Variants in SEMA6C observed in about 807,000 individuals in gnomAD.
SEMA6C encodes the protein semaphorin-6C.
SEMA6C carries 37 observed loss-of-function variants against 72.9 expected under a neutral mutation model. The ratio of observed to expected loss-of-function variants is 0.51; its 90% CI spans 0.39 to 0.67. The LOEUF is 0.67. SEMA6C is among the 30% of genes least tolerant of loss of function. The pLI is 0.00. For synonymous variants in SEMA6C, 578 were observed against 554.1 expected (o/e 1.04, Z -0.61); for missense variants, 1,189 against 1,263.6 (o/e 0.94, Z 0.89).
At chr1:151,143,265 G>T (rs1682705817) in intron 2 of SEMA6C, among the ~76,000 whole-genome samples, 1 of 152,210 alleles carries the variant, frequency 6.6e-6, no homozygotes, top group Non-Finnish European at 1.5e-5. Flanking sequence ...TGCTTCAGGG[G>T]CCCTTCCCAC....
At chr1:151,137,952 A>G (rs1250097017) in intron 9 of SEMA6C, 34 bp downstream of exon 9, 1 of 1,607,124 alleles carries the variant, frequency 6.2e-7, no homozygotes, top group Non-Finnish European at 8.5e-7. Context: ...CCTCCTCCCC[A>G]ATAACAGTCT....
rs776924538 is a variant in SEMA6C, at chr1:151,133,046, GGCCCGCCCGCCGCGT to G, written c.2216_2230del (p.His739_Gly743del). The G allele has an allele frequency of 6.4e-6, 9 of 1,413,514 alleles. No homozygotes were observed. Among genetic ancestry groups the G allele is most frequent in the African/African-American group, 3.1e-5 (2 of 65,032 alleles). The allele number at this position is 1,413,514 out of a possible 1,614,324, so 87.6% of individuals were successfully genotyped here. On this transcript the variant is annotated inframe_deletion, in exon 19 of 19. Coordinates refer to ENST00000368914, the MANE Select transcript of SEMA6C (RefSeq NM_030913.6). The surrounding 1 kb of genome is among the most constrained non-coding windows in gnomAD (Gnocchi z 5.9). ...TGGCCTCACCAGCACGCGGGGCGCG[GGCCCGCCCGCCGCGT>G]GCCCGCCCCGTGAGCGGCCCGGACC...
Position 151,137,796 on chromosome 1 carries a change from G to A in SEMA6C, c.671C>T (p.Pro224Leu), listed in dbSNP as rs747332816. The A allele has an allele frequency of 6.2e-7, 1 of 1,612,852 alleles. No individual in the cohort carries two copies. The highest frequency in any genetic ancestry group is 1.7e-5 in the Admixed American group (1 of 59,986). Residue 224 changes from proline (P) to leucine (L), a missense_variant, in exon 10 of 19, where the codon CCA becomes CTA. Physicochemically the swap from Pro to Leu is moderately conservative, Grantham distance 98 (BLOSUM62 -3). Around this residue, in one of 2 missense-constraint regions of SEMA6C, gnomAD observed 468 missense variants for 577.4 expected, o/e 0.81. Coordinates refer to ENST00000368914, the MANE Select transcript of SEMA6C (RefSeq NM_030913.6). Reference protein sequence around the residue: ...AKYDSKWLREPHFVQALEHGD... With the variant: ...AKYDSKWLRELHFVQALEHGD... ...ATGCTCCAAGGCCTGGACAAAGTGT[G>A]GCTCTAAGATGGGGAATGACAGGAA...
intron 7 of SEMA6C, 70 bp downstream of exon 7, chr1:151,138,560 C>A: frequency 6.6e-7 from 1 of 1,509,558 alleles, no homozygotes; most frequent in Non-Finnish European, 9.2e-7. Context: ...TTGGTCCTTT[C>A]CCATCAAACC....
Position 151,132,762 on chromosome 1 carries a change from C to CCT in SEMA6C, c.2514_2515insAG (p.Ala839ArgfsTer60). On this transcript the variant is annotated frameshift_variant, in exon 19 of 19. Transcript: ENST00000368914. LOFTEE classifies it low-confidence loss of function (END_TRUNC). ...CCGACGCCCAGCCGGGGAGCGGGGGCGGAGAGCGCGGGCCGGGCGGGGGCA... is the reference window on the plus strand; with the variant it reads ...CCGACGCCCAGCCGGGGAGCGGGGGCCTGGAGAGCGCGGGCCGGGCGGGGGCA... The CCT allele has an allele frequency of 7.0e-7, 1 of 1,435,612 alleles. No individual in the cohort carries two copies. Among genetic ancestry groups the CCT allele is most frequent in the Non-Finnish European group, 9.1e-7 (1 of 1,093,702 alleles). 88.9% of individuals were successfully genotyped at this position (1,435,612 alleles called of 1,614,324 possible).
intron 15 of SEMA6C, 125 bp from the exon 16 acceptor site, chr1:151,135,000 C>A: frequency 7.5e-7 from 1 of 1,328,480 alleles, no homozygotes; most frequent in Non-Finnish European, 1.1e-6. Flanking sequence ...CCACCTCAGT[C>A]TCTCCACACC....
intron 3 of SEMA6C, 133 bp downstream of exon 3, chr1:151,142,371 G>A (rs1682625775): frequency 2.9e-6 from 3 of 1,020,688 alleles, no homozygotes; most frequent in Non-Finnish European, 4.4e-6. Context: ...CACTCTACCT[G>A]TTTCCTTCTT....
chr1:151,143,101 C>T (rs1460759702), intron 2 of SEMA6C, among the ~76,000 whole-genome samples: 2 of 152,176 alleles, frequency 1.3e-5, no homozygotes, highest in Non-Finnish European at 1.5e-5. Flanking sequence ...ATGTCTGACT[C>T]CCCCTCCCTC....
rs1223340478 is a variant in SEMA6C at position 151,146,603 on chromosome 1, C to G, written c.-275G>C. 1.3e-5 allele frequency: 2 copies of G among 152,294 alleles called. No individual in the cohort carries two copies. Among genetic ancestry groups the G allele is most frequent in the African/African-American group, 4.8e-5 (2 of 41,462 alleles). 9.4% of individuals were successfully genotyped at this position (152,294 alleles called of 1,614,324 possible). Reference sequence around the variant, plus strand: ...TGTCGGGAGAGCCCTGGGTCCAAGTCCAGCCGCGGATCCGCGGAGGAAAAC... The same window carrying G: ...TGTCGGGAGAGCCCTGGGTCCAAGTGCAGCCGCGGATCCGCGGAGGAAAAC... On this transcript the variant is annotated 5_prime_UTR_variant, in exon 1 of 19. Transcript: ENST00000368914. The surrounding 1 kb of genome is among the most constrained non-coding windows in gnomAD (Gnocchi z 4.6).
rs761971093 is a variant in SEMA6C at position 151,137,006 on chromosome 1, G to T, written c.825C>A (p.Arg275=). ...DMGGSPRALD[R]HWTSFLKLRL... ...GAAGCTTCAGGAAGGATGTCCAGTG[G>T]CGGTCCAAGGCCCGAGGCGAGCCGC... is the stretch of plus-strand genomic sequence containing the variant. The change falls in exon 11 of 19, where the codon CGC becomes CGA. Residue 275 remains arginine (R), a synonymous_variant. Transcript: ENST00000368914. 43 of 1,614,156 alleles carry T rather than the reference G, an allele frequency of 2.7e-5. No individual in the cohort carries two copies. The highest frequency in any genetic ancestry group is 3.6e-5 in the Non-Finnish European group (42 of 1,180,036).
chr1:151,146,017 C>T lies in SEMA6C; in HGVS notation c.-105+416G>A, dbSNP rs906029921. ...AGCACCCGTGACACAAAGTCCGGAACGATGCGTCCCTCTTCCCATCCCTTC... is the reference window on the plus strand; with the variant it reads ...AGCACCCGTGACACAAAGTCCGGAATGATGCGTCCCTCTTCCCATCCCTTC... On this transcript the variant is annotated intron_variant, in intron 1 of 18. Transcript: ENST00000368914. This position sits in a 1 kb window ranked among gnomAD's most constrained non-coding sequence, Gnocchi z 4.6. The T allele has an allele frequency of 1.3e-5, 2 of 152,134 alleles. No individual in the cohort carries two copies. Among genetic ancestry groups the T allele is most frequent in the African/African-American group, 2.4e-5 (1 of 41,404 alleles). 9.4% of individuals were successfully genotyped at this position (152,134 alleles called of 1,614,324 possible). A position where few individuals can be genotyped will look rare whatever the true frequency, so the allele number is the denominator to read the frequency against.
chr1:151,137,354 G>A (rs587665008), intron 10 of SEMA6C, among the ~76,000 whole-genome samples: 270 of 149,842 alleles, frequency 1.8e-3, no homozygotes, highest in Middle Eastern at 3.5e-3. Context: ...GCTGAGGCAG[G>A]AGAATGGCGT....
rs764995302 is a variant in SEMA6C, at chr1:151,133,477, G to A, written c.1800C>T (p.Ser600=). Residue 600 remains serine (S), a synonymous_variant, in exon 19 of 19, where the codon TCC becomes TCT. Coordinates refer to ENST00000368914, the MANE Select transcript of SEMA6C (RefSeq NM_030913.6). The surrounding 1 kb of genome is among the most constrained non-coding windows in gnomAD (Gnocchi z 5.9). ...RDLPPASASR[S]VPIPLLLASV... The stretch of plus-strand genomic sequence containing the variant: ...TGGCCAGGAGGAGTGGGATGGGGAC[G>A]GAGCGGGAGGCCGAGGCTGGGGGCA... The A allele has an allele frequency of 6.5e-7, 1 of 1,543,128 alleles. No individual in the cohort carries two copies. Among genetic ancestry groups the A allele is most frequent in the East Asian group, 2.4e-5 (1 of 41,608 alleles).
Position 151,145,139 on chromosome 1 carries a change from C to G in SEMA6C, c.-104-705G>C, listed in dbSNP as rs1485147113. On this transcript the variant is annotated intron_variant, in intron 1 of 18. Coordinates refer to ENST00000368914, the MANE Select transcript of SEMA6C (RefSeq NM_030913.6). The surrounding 1 kb of genome is among the most constrained non-coding windows in gnomAD (Gnocchi z 4.4). ...GAAGAATCCGAGCTGCTTCACACAC[C>G]CCATCTGAAGCACATGGGAGAGACC... 1 of 152,278 alleles carries G rather than the reference C, an allele frequency of 6.6e-6. No homozygotes were observed. The highest frequency in any genetic ancestry group is 1.9e-4 in the East Asian group (1 of 5,208). The allele number at this position is 152,278 out of a possible 1,614,324, so 9.4% of individuals were successfully genotyped here.
Position 151,136,736 on chromosome 1 carries a change from C to T in SEMA6C, c.974+121G>A, listed in dbSNP as rs74127529. 11,806 of 1,340,402 alleles carry T rather than the reference C, an allele frequency of 8.8e-3. 211 individuals are homozygous for T. The highest frequency in any genetic ancestry group is 0.073 in the African/African-American group (5,001 of 68,540). The allele number at this position is 1,340,402 out of a possible 1,614,324, so 83.0% of individuals were successfully genotyped here. ...CACACTAGGAGAAAAAATGGCAACA[C>T]AGCAAACTGGCTTTGTTCGGAGGTT... is the stretch of plus-strand genomic sequence containing the variant. On this transcript the variant is annotated intron_variant, in intron 11 of 18. Coordinates refer to ENST00000368914, the MANE Select transcript of SEMA6C (RefSeq NM_030913.6).
At chr1:151,142,084 C>T (rs1682603466) in intron 3 of SEMA6C, among the ~76,000 whole-genome samples, 1 of 150,176 alleles carries the variant, frequency 6.7e-6, no homozygotes, top group African/African-American at 2.5e-5. Flanking sequence ...CTCTGTTGCC[C>T]AGGCTGGAGT....
rs1199268678 is a variant in SEMA6C, at chr1:151,133,012, G to A, written c.2265C>T (p.Pro755=). 2.8e-6 allele frequency: 4 copies of A among 1,405,406 alleles called. No individual in the cohort carries two copies. The highest frequency in any genetic ancestry group is 1.5e-5 in the African/African-American group (1 of 65,010). The allele number at this position is 1,405,406 out of a possible 1,614,324, so 87.1% of individuals were successfully genotyped here. A position where few individuals can be genotyped will look rare whatever the true frequency, so the allele number is the denominator to read the frequency against. ...APRVLVRPPP[P]GCPGQAVEVT... ...CTTCCACGGCCTGCCCGGGACAGCC[G>A]GGCGGCGGTGGCCTCACCAGCACGC... The change falls in exon 19 of 19, where the codon CCC becomes CCT. Residue 755 remains proline, a synonymous_variant. Transcript: ENST00000368914. The surrounding 1 kb of genome is among the most constrained non-coding windows in gnomAD (Gnocchi z 5.9).
intron 7 of SEMA6C, 45 bp downstream of exon 7, chr1:151,138,585 G>A (rs1292561052): frequency 1.3e-6 from 2 of 1,580,112 alleles, no homozygotes; most frequent in African/African-American, 2.7e-5. Flanking sequence ...GCCCATCTTG[G>A]GGTCCCCCCA....
At chr1:151,140,342 G>A (rs1682428788) in intron 3 of SEMA6C, among the ~76,000 whole-genome samples, 1 of 152,252 alleles carries the variant, frequency 6.6e-6, no homozygotes, top group South Asian at 2.1e-4. Flanking sequence ...AGGAGCCTGA[G>A]ACTAGAAGCC....
Sources: allele counts gnomAD v4.1 joint callset (sites outside exome capture counted in the v4.1 genomes callset), GRCh38; gene constraint gnomAD v4.1.1; regional missense constraint gnomAD v4.1.1; non-coding constraint Gnocchi (gnomAD v3.1); transcripts MANE v1.5; gene names NCBI Gene and HGNC (gene_info 2026-07-23, HGNC 2026-07-21).